Variants in TSPAN18 observed in about 807,000 individuals in gnomAD.
The protein encoded by TSPAN18 is tetraspanin-18.
TSPAN18 carries 14 observed loss-of-function variants against 27.3 expected under a neutral mutation model. The observed-to-expected ratio is 0.51, with a 90% CI of 0.34 to 0.80. TSPAN18 has a LOEUF of 0.80. Ranked by LOEUF, TSPAN18 falls within the 30% of genes least tolerant of loss-of-function variation. The pLI, the probability that TSPAN18 is intolerant of heterozygous loss-of-function variation, is 0.01. For missense variants in TSPAN18, 268 were observed against 323.9 expected, an observed-to-expected ratio of 0.83 and a Z score of 1.32; for synonymous variants, 143 against 136.5, an observed-to-expected ratio of 1.05 and a Z score of -0.33.
intron 3 of TSPAN18, among the ~76,000 whole-genome samples, chr11:44,894,474 G>A (rs185627287): frequency 1.1e-4 from 17 of 152,344 alleles, no homozygotes; most frequent in Admixed American, 9.1e-4. Context: ...CTGGGGGCGG[G>A]GGGGAGTGAA....
intron 2 of TSPAN18, among the ~76,000 whole-genome samples, chr11:44,782,342 G>C (rs1449386193): frequency 6.6e-6 from 1 of 152,100 alleles, no homozygotes; most frequent in East Asian, 1.9e-4. Context: ...AGGAGTTCGA[G>C]ACCAGCCTGG....
chr11:44,924,597 CTG>C (rs1860276769), intron 8 of TSPAN18, among the ~76,000 whole-genome samples: 1 of 152,200 alleles, frequency 6.6e-6, no homozygotes, highest in African/African-American at 2.4e-5. Flanking sequence ...ACGTGGAACA[CTG>C]AGGGGATGAT....
intron 2 of TSPAN18, among the ~76,000 whole-genome samples, chr11:44,858,679 GAGAT>G (rs1445770679): frequency 1.3e-5 from 2 of 152,190 alleles, no homozygotes. Flanking sequence ...GAAGTTGGGG[GAGAT>G]AGATGGGGGC....
intron 8 of TSPAN18, chr11:44,926,233 C>T (rs147464714): frequency 4.5e-4 from 74 of 163,880 alleles, no homozygotes; most frequent in African/African-American, 1.6e-3. Context: ...GGGAATTGTG[C>T]GGGGGAGAGG....
intron 1 of TSPAN18, among the ~76,000 whole-genome samples, chr11:44,761,237 C>T (rs1027797036): frequency 1.3e-5 from 2 of 152,214 alleles, no homozygotes; most frequent in African/African-American, 4.8e-5. Flanking sequence ...CTAATCGGGT[C>T]AAGGGTGACC....
chr11:44,912,878 ATGTGCCTGTGTGTGCACATGTGTGTTGTG>A (rs56051112), intron 5 of TSPAN18, among the ~76,000 whole-genome samples: 86,523 of 151,454 alleles, frequency 0.57, 25,312 homozygotes, highest in East Asian at 0.83. Flanking sequence ...GCATGTGCAC[ATGTGCCTGTGTGTGCACATGTGTGTTGTG>A]TGTGCATGTG....
chr11:44,789,011 C>T (rs76741624), intron 2 of TSPAN18, among the ~76,000 whole-genome samples: 3,863 of 152,242 alleles, frequency 0.025, 195 homozygotes, highest in African/African-American at 0.088. Context: ...CAAAAAGCAA[C>T]GCAGGCACGT....
At chr11:44,836,122 A>T (rs1304146317) in intron 2 of TSPAN18, among the ~76,000 whole-genome samples, 1 of 152,188 alleles carries the variant, frequency 6.6e-6, no homozygotes, top group Non-Finnish European at 1.5e-5. Context: ...CTCTCATTTT[A>T]AATCAAAAGC....
intron 3 of TSPAN18, among the ~76,000 whole-genome samples, chr11:44,878,572 G>T (rs1331348334): frequency 6.6e-6 from 1 of 152,182 alleles, no homozygotes; most frequent in Non-Finnish European, 1.5e-5. Flanking sequence ...TACCCACGGG[G>T]CCCTGGGGTA....
chr11:44,872,017 G>A (rs955480254), intron 3 of TSPAN18, among the ~76,000 whole-genome samples: 1 of 152,068 alleles, frequency 6.6e-6, no homozygotes, highest in Non-Finnish European at 1.5e-5. Context: ...TCTGCCTCCT[G>A]GGTTCAAGCA....
At chr11:44,922,782 T>C (rs1374540298) in intron 8 of TSPAN18, among the ~76,000 whole-genome samples, 3 of 152,090 alleles carry the variant, frequency 2.0e-5, no homozygotes, top group African/African-American at 7.2e-5. Context: ...TTGGGGACGA[T>C]CTTGCATTCA....
intron 2 of TSPAN18, among the ~76,000 whole-genome samples, chr11:44,835,260 A>G (rs1345170160): frequency 6.6e-6 from 1 of 152,236 alleles, no homozygotes; most frequent in Non-Finnish European, 1.5e-5. Context: ...TGTTCAGTAC[A>G]TGGTCCTGGG....
At chr11:44,854,260 G>C (rs1857678827) in intron 2 of TSPAN18, among the ~76,000 whole-genome samples, 1 of 150,750 alleles carries the variant, frequency 6.6e-6, no homozygotes, top group Non-Finnish European at 1.5e-5. Context: ...GGCTGAGTTA[G>C]AGACCTCTCC....
chr11:44,833,842 A>C (rs1857206896), intron 2 of TSPAN18, among the ~76,000 whole-genome samples: 1 of 151,854 alleles, frequency 6.6e-6, no homozygotes, highest in East Asian at 1.9e-4. Flanking sequence ...CTTGCTGGGG[A>C]TAAAGACACC....
chr11:44,906,307 C>T (rs1219370332), intron 3 of TSPAN18, 100 bp from the exon 4 acceptor site: 3 of 1,034,294 alleles, frequency 2.9e-6, no homozygotes, highest in Non-Finnish European at 4.6e-6. Context: ...CCAGCCTTTG[C>T]AAGGGTGGGG....
Position 44,826,616 on chromosome 11 carries a change from T to G in TSPAN18, c.-152-33712T>G, listed in dbSNP as rs835832. ...CCTGGTTTAGAGATAAAGAAACTGA[T>G]GCACAGCATGTTTAAGTCACTTGCC... On this transcript the variant is annotated intron_variant, in intron 2 of 9. Coordinates refer to ENST00000520358, the MANE Select transcript of TSPAN18 (RefSeq NM_130783.5). Among the ~76,000 whole-genome samples the G allele has an allele frequency of 5.0e-3, 762 of 152,314 alleles. 10 individuals are homozygous for G. Among genetic ancestry groups the G allele is most frequent in the African/African-American group, 0.017 (716 of 41,566 alleles).
intron 2 of TSPAN18, among the ~76,000 whole-genome samples, chr11:44,858,439 T>C (rs1384906694): frequency 6.6e-6 from 1 of 152,240 alleles, no homozygotes; most frequent in Non-Finnish European, 1.5e-5. Flanking sequence ...TGGCAGAGAC[T>C]GACAGAGGGT....
chr11:44,785,485 G>A (rs923207026), intron 2 of TSPAN18, among the ~76,000 whole-genome samples: 3 of 151,042 alleles, frequency 2.0e-5, no homozygotes, highest in Admixed American at 6.6e-5. Context: ...TTCCCCCCTC[G>A]TACAAAAAAG....
chr11:44,880,248 G>C (rs750361293), intron 3 of TSPAN18, among the ~76,000 whole-genome samples: 1 of 152,194 alleles, frequency 6.6e-6, no homozygotes, highest in Non-Finnish European at 1.5e-5. Flanking sequence ...CAAGATGTAC[G>C]GCAGGAATGC....
Sources: gnomAD v4.1 joint callset for allele counts (sites outside exome capture counted in the v4.1 genomes callset) on GRCh38, gnomAD v4.1.1 for gene constraint, MANE v1.5 for transcripts, NCBI Gene and HGNC (gene_info 2026-07-23, HGNC 2026-07-21) for gene names.